HNRNPC: variants seen among roughly 807,000 people sequenced by gnomAD.
HNRNPC encodes the protein heterogeneous nuclear ribonucleoprotein C, also known as heterogeneous nuclear ribonucleoproteins C1/C2.
Under a neutral mutation model 33.2 loss-of-function variants are expected in HNRNPC, and 3 were observed. The observed-to-expected ratio is 0.09, with a 90% CI of 0.04 to 0.23. HNRNPC has a LOEUF of 0.23. Among genes scored for constraint, HNRNPC ranks in the 10% least tolerant of loss-of-function variants. HNRNPC has a pLI of 1.00. For synonymous variants in HNRNPC, 121 were observed against 126.7 expected, an observed-to-expected ratio of 0.96 and a Z score of 0.30; for missense variants, 143 against 366.7, an observed-to-expected ratio of 0.39 and a Z score of 4.98.
At chr14:21,258,389 CA>C (rs200828812) in intron 2 of HNRNPC, among the ~76,000 whole-genome samples, 27,983 of 132,492 alleles carry the variant, frequency 0.21, 2,615 homozygotes, top group Middle Eastern at 0.26. Context: ...GACTATGTCT[CA>C]AAAAAAAAAA....
chr14:21,250,697 T>C (rs554814911), intron 2 of HNRNPC, among the ~76,000 whole-genome samples: 11 of 152,332 alleles, frequency 7.2e-5, no homozygotes, highest in East Asian at 1.9e-4. Context: ...TTATTTCCAA[T>C]GTAAAGTAAA....
intron 3 of HNRNPC, among the ~76,000 whole-genome samples, chr14:21,233,347 A>C (rs1271277427): frequency 6.6e-6 from 1 of 152,232 alleles, no homozygotes; most frequent in Admixed American, 6.5e-5. Context: ...TAAATCACAA[A>C]TATAAATTTA....
intron 5 of HNRNPC, 40 bp from the exon 6 acceptor site, chr14:21,213,157 C>A: frequency 6.3e-7 from 1 of 1,594,694 alleles, no homozygotes; most frequent in Non-Finnish European, 8.6e-7. Context: ...TCAAACCTAA[C>A]ATTAACTCAG....
chr14:21,249,090 T>A (rs914503975), intron 2 of HNRNPC, among the ~76,000 whole-genome samples: 1 of 152,204 alleles, frequency 6.6e-6, no homozygotes, highest in Non-Finnish European at 1.5e-5. Flanking sequence ...TTTTTAAATT[T>A]TTCTCAACTT....
At chr14:21,234,515 T>A (rs569924370) in intron 2 of HNRNPC, among the ~76,000 whole-genome samples, 57 of 152,282 alleles carry the variant, frequency 3.7e-4, no homozygotes, top group African/African-American at 1.3e-3. Context: ...GCAATATAAT[T>A]TCCTTGGACA....
intron 5 of HNRNPC, among the ~76,000 whole-genome samples, chr14:21,225,573 G>C (rs183672218): frequency 2.6e-5 from 4 of 152,088 alleles, no homozygotes; most frequent in Non-Finnish European, 4.4e-5. Context: ...ATCCTCAGGC[G>C]TAAGAGTTAC....
At chr14:21,263,065 T>A in intron 2 of HNRNPC, 1 of 152,122 alleles carries the variant, frequency 6.6e-6, no homozygotes, top group East Asian at 1.9e-4. Flanking sequence ...AAAATACTAA[T>A]GCCTTCGCTT....
chr14:21,219,278 T>G (rs963412521), intron 5 of HNRNPC, among the ~76,000 whole-genome samples: 2 of 152,196 alleles, frequency 1.3e-5, no homozygotes, highest in Non-Finnish European at 2.9e-5. Context: ...TTCAGAGAAC[T>G]GGGAACTATT....
rs1566603468 is a variant in HNRNPC at position 21,222,374 on chromosome 14, ATTTG to A, written c.365+7941_365+7944del. 2.6e-5 allele frequency among the ~76,000 whole-genome samples: 4 copies of A among 152,104 alleles called. No homozygotes were observed. In the East Asian group the frequency reaches 5.8e-4, roughly 22 times the overall value. ...TTTGCATACCAATCTCCATGGCAGA[ATTTG>A]TTTTTGTTTTTTTTTCCTGTACGGA... On this transcript the variant is annotated intron_variant, in intron 5 of 8. Coordinates refer to ENST00000553300, the MANE Select transcript of HNRNPC (RefSeq NM_004500.4).
In HNRNPC at chr14:21,254,012, G is replaced by T. The variant is rs530923993; in HGVS notation, c.-37+9299C>A. 1.8e-3 allele frequency among the ~76,000 whole-genome samples: 270 copies of T among 147,900 alleles called. 1 individual carries two copies. Among genetic ancestry groups the T allele is most frequent in the African/African-American group, 6.4e-3 (255 of 39,844 alleles). On this transcript the variant is annotated intron_variant, in intron 2 of 8. Coordinates refer to ENST00000553300, the MANE Select transcript of HNRNPC (RefSeq NM_004500.4). The stretch of plus-strand genomic sequence containing the variant: ...GAACCCGGGAGAGGGAGCTTGCAGT[G>T]AGACCATGCCACTGCACTCCAGCCT...
chr14:21,258,157 T>C (rs2065094), intron 2 of HNRNPC, among the ~76,000 whole-genome samples: 29,221 of 152,000 alleles, frequency 0.19, 3,373 homozygotes, highest in African/African-American at 0.3. Context: ...CTTTGGGAAA[T>C]CGAGGTGGGC....
At chr14:21,231,176 T>C (rs552949995) in intron 3 of HNRNPC, 104 bp from the exon 4 acceptor site, 2 of 1,177,106 alleles carry the variant, frequency 1.7e-6, no homozygotes, top group African/African-American at 3.0e-5. Flanking sequence ...GCTTTCTCGC[T>C]CAGGCTGGAG....
At chr14:21,249,597 A>G (rs1896395762) in intron 2 of HNRNPC, among the ~76,000 whole-genome samples, 1 of 131,238 alleles carries the variant, frequency 7.6e-6, no homozygotes, top group Non-Finnish European at 1.8e-5. Context: ...CAAAAACAAA[A>G]AAAAAAAAAA....
At chr14:21,217,904 T>G (rs759969579) in intron 5 of HNRNPC, among the ~76,000 whole-genome samples, 11 of 152,170 alleles carry the variant, frequency 7.2e-5, no homozygotes, top group African/African-American at 2.7e-4. Flanking sequence ...AGACATTTCA[T>G]GGGAAGACAA....
intron 5 of HNRNPC, among the ~76,000 whole-genome samples, chr14:21,218,181 A>C (rs4982430): frequency 6.6e-6 from 1 of 152,064 alleles, no homozygotes; most frequent in Non-Finnish European, 1.5e-5. Context: ...CAGGCTGGTC[A>C]TGAGCTCCTG....
At chr14:21,219,154 A>G (rs1009774811) in intron 5 of HNRNPC, among the ~76,000 whole-genome samples, 1 of 152,002 alleles carries the variant, frequency 6.6e-6, no homozygotes, top group East Asian at 1.9e-4. Context: ...AAAAAATTAC[A>G]TATTTTTAAA....
At chr14:21,253,847 C>T (rs1181360218) in intron 2 of HNRNPC, among the ~76,000 whole-genome samples, 1 of 151,954 alleles carries the variant, frequency 6.6e-6, no homozygotes. Flanking sequence ...GGGCAGATCA[C>T]GAGGTCAGCA....
chr14:21,240,903 A>C (rs1895262296), intron 2 of HNRNPC, among the ~76,000 whole-genome samples: 1 of 152,178 alleles, frequency 6.6e-6, no homozygotes, highest in Admixed American at 6.5e-5. Flanking sequence ...ACTAGAGACA[A>C]AGGAAAATAT....
intron 5 of HNRNPC, among the ~76,000 whole-genome samples, chr14:21,219,047 T>C (rs770780111): frequency 1.3e-5 from 2 of 148,606 alleles, no homozygotes; most frequent in South Asian, 2.1e-4. Flanking sequence ...GAAGCAGAGG[T>C]TGCAGTAAGC....
Sources: allele counts gnomAD v4.1 joint callset (sites outside exome capture counted in the v4.1 genomes callset), GRCh38; gene constraint gnomAD v4.1.1; transcripts MANE v1.5; gene names NCBI Gene and HGNC (gene_info 2026-07-23, HGNC 2026-07-21).